The following SDK2 variants were observed in gnomAD, a reference collection of about 807,000 sequenced individuals.
SDK2 encodes sidekick cell adhesion molecule 2.
A neutral mutation model predicts 253.9 loss-of-function variants in SDK2; 105 were observed. The observed-to-expected ratio is 0.41, with a 90% CI of 0.35 to 0.49. The LOEUF is 0.49. Ranked by LOEUF, SDK2 falls within the 20% of genes least tolerant of loss-of-function variation. The probability of loss-of-function intolerance (pLI) is 0.06; values close to 1 mark genes in which losing one functional copy is unlikely to be tolerated. For missense variants in SDK2, 2,608 were observed against 3,003.0 expected (o/e 0.87, Z 3.07); for synonymous variants, 1,249 against 1,234.9 (o/e 1.01, Z -0.24).
intron 24 of SDK2, among the ~76,000 whole-genome samples, chr17:73,397,635 ACT>A (rs985098734): frequency 4.6e-5 from 7 of 151,842 alleles, no homozygotes; most frequent in Admixed American, 3.9e-4. Context: ...ATCTGGGGAC[ACT>A]CTCTGAATGC....
intron 1 of SDK2, among the ~76,000 whole-genome samples, chr17:73,548,836 G>A (rs372189386): frequency 7.9e-5 from 12 of 152,312 alleles, no homozygotes; most frequent in African/African-American, 2.2e-4. Flanking sequence ...GCTATCCCAC[G>A]GAGGGCAGCT....
At position 73,629,992 on chromosome 17, in the gene SDK2, A is replaced by G. The variant is rs2046248030; in HGVS notation, c.64+14033T>C. On this transcript the variant is annotated intron_variant, in intron 1 of 44. Transcript: ENST00000392650. This position sits in a 1 kb window ranked among gnomAD's most constrained non-coding sequence, Gnocchi z 5.0. ...TGAAGAATGAGTGCTGGTCAATACC[A>G]ACCCCCCACCAGGTGCAAGGCCATC... Among the ~76,000 whole-genome samples the G allele has an allele frequency of 6.6e-6, 1 of 152,078 alleles. No homozygotes were observed. Among genetic ancestry groups the G allele is most frequent in the Non-Finnish European group, 1.5e-5 (1 of 68,014 alleles).
At chr17:73,563,361 G>A (rs2045266658) in intron 1 of SDK2, among the ~76,000 whole-genome samples, 1 of 152,136 alleles carries the variant, frequency 6.6e-6, no homozygotes, top group Admixed American at 6.5e-5. Context: ...ATCGCTTGAG[G>A]CCAAGAGTTC....
intron 1 of SDK2, among the ~76,000 whole-genome samples, chr17:73,576,150 A>G (rs866474097): frequency 2.0e-5 from 3 of 152,168 alleles, no homozygotes; most frequent in African/African-American, 7.2e-5. Context: ...TGAGTGTGGG[A>G]AAGTTAAGAT....
intron 1 of SDK2, among the ~76,000 whole-genome samples, chr17:73,580,806 T>C (rs2045524489): frequency 6.6e-6 from 1 of 152,262 alleles, no homozygotes; most frequent in Admixed American, 6.5e-5. Flanking sequence ...ATTTGCGTTA[T>C]ATACTTACCA....
rs144766394 is a variant in SDK2 at position 73,399,980 on chromosome 17, C to T, written c.2972-691G>A. 1.1e-4 allele frequency among the ~76,000 whole-genome samples: 17 copies of T among 152,312 alleles called. No homozygotes were observed. In the East Asian group the frequency reaches 1.7e-3, roughly 16 times the overall value. On this transcript the variant is annotated intron_variant, in intron 21 of 44. Coordinates refer to ENST00000392650, the MANE Select transcript of SDK2 (RefSeq NM_001144952.2). ...TTGTTGTGAGGATTAAATGAGTCAA[C>T]GTGAGCAAAGCTCCCAGCACCATGC...
At position 73,466,724 on chromosome 17, in the gene SDK2, CCCCG is replaced by C. The variant is rs958487375; in HGVS notation, c.331+5384_331+5387del. Among the ~76,000 whole-genome samples the C allele has an allele frequency of 5.3e-3, 750 of 142,676 alleles. 114 individuals carry two copies. Among genetic ancestry groups the C allele is most frequent in the African/African-American group, 0.018 (699 of 39,534 alleles). The allele number at this position is 142,676 out of a possible 152,430, so 93.6% of individuals were successfully genotyped here. ...GGAGGCTCTGGGGAACGCCCCCCCC[CCCCG>C]GCTTAGGCTCTGCATCTTTGGGGGG... On this transcript the variant is annotated intron_variant, in intron 3 of 44. Transcript: ENST00000392650.
intron 1 of SDK2, among the ~76,000 whole-genome samples, chr17:73,613,987 A>C (rs940461814): frequency 6.6e-6 from 1 of 152,200 alleles, no homozygotes; most frequent in African/African-American, 2.4e-5. Flanking sequence ...ACAAAAACAA[A>C]AGAAAACACC....
intron 3 of SDK2, among the ~76,000 whole-genome samples, chr17:73,469,147 A>G (rs1446494786): frequency 6.6e-6 from 1 of 152,042 alleles, no homozygotes; most frequent in East Asian, 1.9e-4. Context: ...ATTAAGCCAC[A>G]CTGCCTGTCA....
At chr17:73,516,640 T>C (rs1349674018) in intron 1 of SDK2, 1 of 152,324 alleles carries the variant, frequency 6.6e-6, no homozygotes, top group Non-Finnish European at 1.5e-5. Flanking sequence ...GCTGCCTGCA[T>C]GCCAAGCGCT....
rs2063430253 is a variant in SDK2 at position 73,443,383 on chromosome 17, A to G, written c.614-2460T>C. ...CGATCGGATTGAAAGCTGCTGATAT[A>G]GCTGAATCCATAAAAGTGTGCTCTA... On this transcript the variant is annotated intron_variant, in intron 5 of 44. Transcript: ENST00000392650. The surrounding 1 kb of genome is among the most constrained non-coding windows in gnomAD (Gnocchi z 4.6). Among the ~76,000 whole-genome samples, 1 of 152,286 alleles carries G rather than the reference A, an allele frequency of 6.6e-6. No homozygotes were observed.
At chr17:73,432,812 A>C (rs567690293) in intron 10 of SDK2, among the ~76,000 whole-genome samples, 1 of 149,668 alleles carries the variant, frequency 6.7e-6, no homozygotes, top group East Asian at 1.9e-4. Context: ...ATATGTGTGC[A>C]CATGTGTATG....
At chr17:73,584,736 G>A (rs1299037549) in intron 1 of SDK2, among the ~76,000 whole-genome samples, 2 of 152,182 alleles carry the variant, frequency 1.3e-5, no homozygotes, top group Non-Finnish European at 2.9e-5. Flanking sequence ...CTGTCAAATG[G>A]GAGGGTCAGG....
chr17:73,578,222 G>A (rs2045484102), intron 1 of SDK2, among the ~76,000 whole-genome samples: 1 of 152,042 alleles, frequency 6.6e-6, no homozygotes, highest in South Asian at 2.1e-4. Flanking sequence ...ACCATACCTG[G>A]CTAATGTTTT....
rs1411832634 is a variant in SDK2 at position 73,496,227 on chromosome 17, C to A, written c.224+11211G>T. Among the ~76,000 whole-genome samples, 1 of 152,210 alleles carries A rather than the reference C, an allele frequency of 6.6e-6. No homozygotes were observed. Among genetic ancestry groups the A allele is most frequent in the Non-Finnish European group, 1.5e-5 (1 of 68,046 alleles). On this transcript the variant is annotated intron_variant, in intron 2 of 44. Transcript: ENST00000392650. The surrounding 1 kb of genome is among the most constrained non-coding windows in gnomAD (Gnocchi z 4.7). ...ACACTCTTCTGCACGCTTCATCTTG[C>A]ATGACATTCCCAGCCACCCTGGGAG...
chr17:73,398,267 C>T, intron 23 of SDK2, 53 bp downstream of exon 23: 1 of 1,603,852 alleles, frequency 6.2e-7, no homozygotes, highest in Non-Finnish European at 8.5e-7. Flanking sequence ...CCATAGCCCC[C>T]ACCCACCCCC....
intron 1 of SDK2, among the ~76,000 whole-genome samples, chr17:73,571,306 G>C (rs1025696719): frequency 2.4e-4 from 37 of 152,240 alleles, no homozygotes; most frequent in African/African-American, 8.4e-4. Flanking sequence ...CCCAGGCATG[G>C]TGGGCTGTGG....
intron 1 of SDK2, among the ~76,000 whole-genome samples, chr17:73,622,226 C>A (rs1259250127): frequency 6.6e-6 from 1 of 152,202 alleles, no homozygotes; most frequent in Non-Finnish European, 1.5e-5. Flanking sequence ...CTATGTTGAA[C>A]AGAGAGGTCA....
intron 1 of SDK2, among the ~76,000 whole-genome samples, chr17:73,525,031 C>T (rs995761216): frequency 4.6e-5 from 7 of 152,256 alleles, no homozygotes; most frequent in African/African-American, 1.7e-4. Flanking sequence ...CCTTCCTAGG[C>T]CTGTGTGGCC....
Sources: gnomAD v4.1 joint callset for allele counts (sites outside exome capture counted in the v4.1 genomes callset) on GRCh38, gnomAD v4.1.1 for gene constraint, Gnocchi (gnomAD v3.1) non-coding constraint, MANE v1.5 for transcripts, NCBI Gene and HGNC (gene_info 2026-07-23, HGNC 2026-07-21) for gene names.